The following MUC13 variants were observed in gnomAD, a reference collection of about 807,000 sequenced individuals.
MUC13 encodes mucin 13, cell surface associated, also known as mucin-13.
Under a neutral mutation model 48.3 loss-of-function variants are expected in MUC13, and 32 were observed. The ratio of observed to expected loss-of-function variants is 0.66; its 90% CI spans 0.50 to 0.89. The LOEUF is 0.89. Among genes scored for constraint, MUC13 ranks in the 40% least tolerant of loss-of-function variants. MUC13 has a pLI of 0.00. For missense variants in MUC13, 571 were observed against 622.8 expected, an observed-to-expected ratio of 0.92 and a Z score of 0.88; for synonymous variants, 199 against 224.9, an observed-to-expected ratio of 0.88 and a Z score of 1.03.
intron 1 of MUC13, among the ~76,000 whole-genome samples, chr3:124,929,074 T>C (rs1021296196): frequency 1.3e-5 from 2 of 152,178 alleles, no homozygotes; most frequent in African/African-American, 4.8e-5. Flanking sequence ...TGAGCTATGA[T>C]GGATATCAAA....
chr3:124,912,261 C>A (rs1935432083), intron 8 of MUC13, 120 bp from the exon 9 acceptor site: 2 of 1,424,194 alleles, frequency 1.4e-6, no homozygotes, highest in South Asian at 1.4e-5. Flanking sequence ...TCCTCCCTTG[C>A]TTTTTTTCCT....
At chr3:124,933,457 A>T (rs1935830281) in intron 1 of MUC13, among the ~76,000 whole-genome samples, 1 of 152,162 alleles carries the variant, frequency 6.6e-6, no homozygotes, top group East Asian at 1.9e-4. Flanking sequence ...CACTACAGGA[A>T]AGAAGACCGA....
chr3:124,926,743 G>A (rs115888904), intron 2 of MUC13, among the ~76,000 whole-genome samples: 472 of 152,272 alleles, frequency 3.1e-3, no homozygotes, highest in African/African-American at 0.011. Flanking sequence ...TATGGTTCAC[G>A]AGTCATATCT....
rs1435072958 is a variant in MUC13, at chr3:124,906,608, A to T, written c.*135T>A. ...ACAACTTCCATTCAGAGAGGCTGGC[A>T]GATGTCAGATGGAAGAAAAACCCCG... On this transcript the variant is annotated 3_prime_UTR_variant, in exon 12 of 12. Transcript: ENST00000616727. 1 of 152,188 alleles carries T rather than the reference A, an allele frequency of 6.6e-6. No homozygotes were observed. The highest frequency in any genetic ancestry group is 2.4e-5 in the African/African-American group (1 of 41,430). 9.4% of individuals were successfully genotyped at this position (152,188 alleles called of 1,614,324 possible).
At chr3:124,907,659 G>T (rs3058982) in intron 11 of MUC13, among the ~76,000 whole-genome samples, 14,729 of 48,316 alleles carry the variant, frequency 0.3, 733 homozygotes, top group Non-Finnish European at 0.36. Flanking sequence ...TATATATATA[G>T]AGAGAGAGAG....
intron 9 of MUC13, 120 bp downstream of exon 9, chr3:124,911,984 C>G: frequency 7.3e-7 from 1 of 1,367,244 alleles, no homozygotes; most frequent in Admixed American, 2.3e-5. Flanking sequence ...GGCAGATGGT[C>G]TCTCTCTTTA....
At chr3:124,913,539 T>C (rs1406140318) in intron 7 of MUC13, 23 bp downstream of exon 7, 6 of 1,613,760 alleles carry the variant, frequency 3.7e-6, no homozygotes, top group Non-Finnish European at 4.2e-6. Context: ...TGAAGAACAT[T>C]TAGAAGCAGG....
chr3:124,922,240 T>C lies in MUC13; in HGVS notation c.701A>G (p.His234Arg). ...ATGCAAGTCTTGATAGGCCATGGAATGTTTCTCTTCTGGGTCAAATGTTTC... is the reference window on the plus strand; with the variant it reads ...ATGCAAGTCTTGATAGGCCATGGAACGTTTCTCTTCTGGGTCAAATGTTTC... The part of the protein sequence containing the change: ...VSETFDPEEK[H>R]SMAYQDLHSE... The change falls in exon 4 of 12, where the codon CAT becomes CGT. Residue 234 changes from histidine (H) to arginine (R), a missense_variant. Transcript: ENST00000616727. 6.2e-7 allele frequency: 1 copy of C among 1,614,208 alleles called. No individual in the cohort carries two copies.
chr3:124,934,721 T>C lies in MUC13; in HGVS notation c.-9A>G. ...TGAATGATGGCTTTCATTTTAGCTGTTCTTGCTTGGTAATCTGAGGAGGAA... is the reference window on the plus strand; with the variant it reads ...TGAATGATGGCTTTCATTTTAGCTGCTCTTGCTTGGTAATCTGAGGAGGAA... On this transcript the variant is annotated 5_prime_UTR_variant, in exon 1 of 12. Transcript: ENST00000616727. 6.2e-7 allele frequency: 1 copy of C among 1,607,010 alleles called. No individual in the cohort carries two copies. Among genetic ancestry groups the C allele is most frequent in the Non-Finnish European group, 8.5e-7 (1 of 1,173,830 alleles).
intron 2 of MUC13, 97 bp downstream of exon 2, chr3:124,927,435 T>C (rs768520581): frequency 1.7e-6 from 2 of 1,180,074 alleles, no homozygotes; most frequent in Non-Finnish European, 2.4e-6. Flanking sequence ...TGGGCCTCTT[T>C]AGACCCATTT....
intron 1 of MUC13, among the ~76,000 whole-genome samples, chr3:124,930,768 A>G (rs1264846453): frequency 6.6e-6 from 1 of 152,156 alleles, no homozygotes; most frequent in Non-Finnish European, 1.5e-5. Flanking sequence ...AGTCACAATC[A>G]AACGCCTTTC....
intron 3 of MUC13, 55 bp from the exon 4 acceptor site, chr3:124,922,358 AT>A: frequency 6.3e-7 from 1 of 1,574,888 alleles, no homozygotes; most frequent in Non-Finnish European, 8.6e-7. Context: ...GGTCATTTCC[AT>A]TTTGTTTTAA....
intron 5 of MUC13, among the ~76,000 whole-genome samples, chr3:124,916,793 C>T (rs1298670321): frequency 1.3e-5 from 2 of 152,112 alleles, no homozygotes; most frequent in Non-Finnish European, 2.9e-5. Context: ...GAGCCTAGAG[C>T]TAACCAGAAT....
chr3:124,934,521 G>T, intron 1 of MUC13, 140 bp downstream of exon 1: 1 of 619,992 alleles, frequency 1.6e-6, no homozygotes, highest in East Asian at 2.7e-5. Flanking sequence ...CTGTGTCTTT[G>T]AGCTGAGCTG....
chr3:124,919,478 C>T (rs764554680), intron 5 of MUC13, among the ~76,000 whole-genome samples: 21 of 151,594 alleles, frequency 1.4e-4, no homozygotes, highest in Non-Finnish European at 2.4e-4. Context: ...ATGTGAGCCA[C>T]CATGTCTGGC....
At chr3:124,928,086 T>A in intron 1 of MUC13, 93 bp from the exon 2 acceptor site, 1 of 1,018,244 alleles carries the variant, frequency 9.8e-7, no homozygotes, top group Non-Finnish European at 1.4e-6. Flanking sequence ...CTCATTCTTT[T>A]TTTTTTTTTT....
At chr3:124,909,916 A>G (rs1935389474) in intron 10 of MUC13, among the ~76,000 whole-genome samples, 1 of 152,176 alleles carries the variant, frequency 6.6e-6, no homozygotes, top group South Asian at 2.1e-4. Context: ...AATTTTAAAA[A>G]CACAAAAGAC....
At chr3:124,910,541 GC>G in intron 9 of MUC13, 42 bp from the exon 10 acceptor site, 3 of 1,610,790 alleles carry the variant, frequency 1.9e-6, no homozygotes, top group Non-Finnish European at 8.5e-7. Context: ...CAACAAGCTG[GC>G]CCCCAACTGT....
chr3:124,910,212 G>A (rs9817244), intron 10 of MUC13, among the ~76,000 whole-genome samples: 16,520 of 152,110 alleles, frequency 0.11, 1,123 homozygotes, highest in Admixed American at 0.17. Flanking sequence ...ACTAGAGAGT[G>A]TCATGCTGGT....
Sources: allele counts gnomAD v4.1 joint callset (sites outside exome capture counted in the v4.1 genomes callset), GRCh38; gene constraint gnomAD v4.1.1; transcripts MANE v1.5; gene names NCBI Gene and HGNC (gene_info 2026-07-23, HGNC 2026-07-21).